Variants in TTLL4 observed in about 807,000 individuals in gnomAD.
TTLL4 encodes tubulin tyrosine ligase like 4.
TTLL4 carries 85 observed loss-of-function variants against 122.7 expected under a neutral mutation model. The observed-to-expected ratio is 0.69, with a 90% CI of 0.58 to 0.83. TTLL4 has a LOEUF of 0.83. TTLL4 is among the 40% of genes least tolerant of loss of function. The pLI is 0.00. For synonymous variants in TTLL4, 553 were observed against 563.0 expected (o/e 0.98, Z 0.25); for missense variants, 1,363 against 1,488.6 (o/e 0.92, Z 1.39).
rs1465685342 is a variant in TTLL4, at chr2:218,727,355, A to G, written c.-99+8A>G. 1.3e-5 allele frequency: 2 copies of G among 152,252 alleles called. No individual in the cohort carries two copies. The highest frequency in any genetic ancestry group is 2.9e-5 in the Non-Finnish European group (2 of 68,032). 9.4% of individuals were successfully genotyped at this position (152,252 alleles called of 1,614,324 possible). ...CTCTAGTAAATTTTTCAGGTAAGCAAATTTATTTCTCAGTTCTAAGATTTG... is the reference window on the plus strand; with the variant it reads ...CTCTAGTAAATTTTTCAGGTAAGCAGATTTATTTCTCAGTTCTAAGATTTG... On this transcript the variant is annotated splice_region_variant and intron_variant, in intron 2 of 19. Coordinates refer to ENST00000392102, the MANE Select transcript of TTLL4 (RefSeq NM_014640.5).
intron 1 of TTLL4, among the ~76,000 whole-genome samples, chr2:218,713,972 T>C (rs1297559666): frequency 1.3e-5 from 2 of 152,152 alleles, no homozygotes; most frequent in East Asian, 3.9e-4. Flanking sequence ...TCAGTGACCA[T>C]GTGGGTGGTG....
intron 16 of TTLL4, 118 bp downstream of exon 16, chr2:218,751,924 T>G (rs1943030855): frequency 8.4e-6 from 5 of 595,636 alleles, no homozygotes; most frequent in South Asian, 2.3e-5. Flanking sequence ...TTTTTTTTTT[T>G]GAGATAGAGT....
At chr2:218,739,284 G>A in intron 3 of TTLL4, 121 bp downstream of exon 3, 1 of 1,256,406 alleles carries the variant, frequency 8.0e-7, no homozygotes, top group Non-Finnish European at 1.1e-6. Flanking sequence ...TAGAATTTTT[G>A]GTTTTCACTT....
intron 5 of TTLL4, among the ~76,000 whole-genome samples, chr2:218,741,946 C>T (rs560634098): frequency 1.3e-5 from 2 of 152,238 alleles, no homozygotes; most frequent in Admixed American, 1.3e-4. Context: ...ACATAATTTT[C>T]AAGAAAATGG....
Position 218,740,113 on chromosome 2 carries a change from CTAG to C in TTLL4, c.1547_1549del (p.Val516del), listed in dbSNP as rs1193661353. 6 of 1,614,136 alleles carry C rather than the reference CTAG, an allele frequency of 3.7e-6. No individual in the cohort carries two copies. In the South Asian group the frequency reaches 6.6e-5, roughly 18 times the overall value. On this transcript the variant is annotated inframe_deletion, in exon 4 of 20. Transcript: ENST00000392102. ...TGAGACTGAAGATACAGAAGAAGAA[CTAG>C]TAGATGGTTTGGAAGACTGTTGTAG...
At position 218,754,865 on chromosome 2, in the gene TTLL4, C is replaced by G. The variant is rs1575187464; in HGVS notation, c.*476C>G. Reference sequence around the variant, plus strand: ...TTCCTCACCCCTCTCCCACCGCTGTCCTGAGGAGAAACCCTTGAACTTCCT... The same window carrying G: ...TTCCTCACCCCTCTCCCACCGCTGTGCTGAGGAGAAACCCTTGAACTTCCT... On this transcript the variant is annotated 3_prime_UTR_variant, in exon 20 of 20. Coordinates refer to ENST00000392102, the MANE Select transcript of TTLL4 (RefSeq NM_014640.5). The G allele has an allele frequency of 6.0e-6, 1 of 165,598 alleles. No individual in the cohort carries two copies. The highest frequency in any genetic ancestry group is 1.6e-4 in the South Asian group (1 of 6,264). 10.3% of individuals were successfully genotyped at this position (165,598 alleles called of 1,614,324 possible). A position where few individuals can be genotyped will look rare whatever the true frequency, so the allele number is the denominator to read the frequency against.
chr2:218,723,094 C>T (rs1942092097), intron 1 of TTLL4, among the ~76,000 whole-genome samples: 1 of 152,232 alleles, frequency 6.6e-6, no homozygotes, highest in East Asian at 1.9e-4. Flanking sequence ...TCTTCTCTCA[C>T]TTTCCCCTAG....
chr2:218,759,278 T>G (rs1396769784), downstream of TTLL4, among the ~76,000 whole-genome samples: 4 of 115,622 alleles, frequency 3.5e-5, no homozygotes, highest in African/African-American at 1.4e-4. Flanking sequence ...GTTCAGGTGC[T>G]GTGGCTCACG....
chr2:218,737,950 A>G lies in TTLL4; in HGVS notation c.274A>G (p.Thr92Ala), dbSNP rs1942576781. 6.2e-7 allele frequency: 1 copy of G among 1,614,066 alleles called. No homozygotes were observed. The highest frequency in any genetic ancestry group is 1.3e-5 in the African/African-American group (1 of 74,930). ...FCPSTLCSSG[T>A]TAVIAGHSSS... is the part of the protein sequence containing the mutation. ...CCCCAGCACTTTATGTAGCTCTGGG[A>G]CCACGGCTGTCATTGCAGGCCACAG... Residue 92 changes from threonine (T) to alanine (A), a missense_variant, in exon 3 of 20, where the codon ACC (threonine) becomes GCC (alanine). Physicochemically the swap from Thr to Ala is moderately conservative, Grantham distance 58. Transcript: ENST00000392102.
Position 218,747,423 on chromosome 2 carries a change from C to G in TTLL4, c.2249+51C>G, listed in dbSNP as rs760874222. 1.7e-5 allele frequency: 27 copies of G among 1,598,176 alleles called. No individual in the cohort carries two copies. Among genetic ancestry groups the G allele is most frequent in the Non-Finnish European group, 2.2e-5 (26 of 1,170,436 alleles). ...CCCCATCCTCCCACCTCCTTGGCCT[C>G]GAGGTTCCCTTCTTACAATGTTCTG... On this transcript the variant is annotated intron_variant, in intron 10 of 19. Transcript: ENST00000392102. The surrounding 1 kb of genome is among the most constrained non-coding windows in gnomAD (Gnocchi z 4.7).
chr2:218,738,232 G>A lies in TTLL4; in HGVS notation c.556G>A (p.Ala186Thr). 1 of 1,613,954 alleles carries A rather than the reference G, an allele frequency of 6.2e-7. No individual in the cohort carries two copies. The highest frequency in any genetic ancestry group is 2.2e-5 in the East Asian group (1 of 44,864). Residue 186 changes from alanine (A) to threonine (T), a missense_variant, in exon 3 of 20, where the codon GCA (alanine) becomes ACA (threonine). Physicochemically the swap from Ala to Thr is moderately conservative, Grantham distance 58. Coordinates refer to ENST00000392102, the MANE Select transcript of TTLL4 (RefSeq NM_014640.5). ...ATCCACAGAACCATACCTCTGCTTG[G>A]CAGCGGCTGGGGAAAACCCTTCAGG... ...SSSTEPYLCLAAAGENPSGKS... is the reference protein window; with the variant it reads ...SSSTEPYLCLTAAGENPSGKS...
intron 8 of TTLL4, 41 bp from the exon 9 acceptor site, chr2:218,746,962 C>A (rs1162948088): frequency 1.9e-6 from 3 of 1,598,268 alleles, no homozygotes; most frequent in Non-Finnish European, 1.7e-6. Context: ...CATGGCCTCA[C>A]CTCTGCCCTC....
chr2:218,724,699 A>C (rs73080933), intron 1 of TTLL4, among the ~76,000 whole-genome samples: 5,440 of 152,088 alleles, frequency 0.036, 333 homozygotes, highest in African/African-American at 0.12. Flanking sequence ...TGTTATTGAT[A>C]AGTAAGGACT....
intron 16 of TTLL4, among the ~76,000 whole-genome samples, chr2:218,752,485 GAT>G (rs754995272): frequency 6.6e-6 from 1 of 152,158 alleles, no homozygotes; most frequent in African/African-American, 2.4e-5. Flanking sequence ...TGAATTGCTG[GAT>G]CCTCATCTTG....
chr2:218,749,028 C>T, intron 13 of TTLL4, 94 bp downstream of exon 13: 1 of 1,433,212 alleles, frequency 7.0e-7, no homozygotes, highest in South Asian at 1.2e-5. Flanking sequence ...TTTGGCCATG[C>T]TGTGGTTTGG....
rs1438551997 is a variant in TTLL4 at position 218,738,598 on chromosome 2, A to C, written c.922A>C (p.Asn308His). 6.2e-7 allele frequency: 1 copy of C among 1,614,192 alleles called. No homozygotes were observed. The highest frequency in any genetic ancestry group is 8.5e-7 in the Non-Finnish European group (1 of 1,180,038). Residue 308 changes from asparagine (N) to histidine (H), a missense_variant, in exon 3 of 20, where the codon AAT becomes CAT. By Grantham distance (68) the Asn-to-His change is moderately conservative. Around this residue, in one of 3 missense-constraint regions of TTLL4, gnomAD observed 760 missense variants for 808.4 expected, o/e 0.94. Transcript: ENST00000392102. ...TGTTGCCTCTTCCTGGTATAACCGG[A>C]ATAACTTAGCCATGAGGGCAGAGCC... ...TSVASSWYNR[N>H]NLAMRAEPLS... is the part of the protein sequence containing the mutation.
At chr2:218,723,132 C>T (rs1180051541) in intron 1 of TTLL4, among the ~76,000 whole-genome samples, 1 of 152,216 alleles carries the variant, frequency 6.6e-6, no homozygotes, top group East Asian at 1.9e-4. Flanking sequence ...CTGACATTCC[C>T]ACCTTACTTT....
intron 5 of TTLL4, among the ~76,000 whole-genome samples, chr2:218,743,363 C>G (rs538973755): frequency 6.6e-6 from 1 of 152,270 alleles, no homozygotes; most frequent in African/African-American, 2.4e-5. Context: ...GGGGTTGTTG[C>G]ATGTATTAAT....
intron 18 of TTLL4, 135 bp from the exon 19 acceptor site, chr2:218,753,449 G>A (rs1559376672): frequency 1.1e-6 from 1 of 946,240 alleles, no homozygotes; most frequent in Non-Finnish European, 1.7e-6. Context: ...ACCCACCTGG[G>A]CCCATGCCTG....
Sources: gnomAD v4.1 joint callset for allele counts (sites outside exome capture counted in the v4.1 genomes callset) on GRCh38, gnomAD v4.1.1 for gene constraint, gnomAD v4.1.1 regional missense constraint, Gnocchi (gnomAD v3.1) non-coding constraint, MANE v1.5 for transcripts, NCBI Gene and HGNC (gene_info 2026-07-23, HGNC 2026-07-21) for gene names.